Variants in DACH2 observed in about 807,000 individuals in gnomAD.
The protein encoded by DACH2 is dachshund homolog 2.
DACH2 carries 17 observed loss-of-function variants against 35.8 expected under a neutral mutation model. The ratio of observed to expected loss-of-function variants is 0.48; its 90% CI spans 0.33 to 0.71. The LOEUF (loss-of-function observed/expected upper bound fraction) is 0.71, where lower values mean the gene tolerates loss of function less well. Ranked by LOEUF, DACH2 falls within the 30% of genes least tolerant of loss-of-function variation. The pLI is 0.02. For missense variants in DACH2, 469 were observed against 472.7 expected (o/e 0.99, Z 0.07); for synonymous variants, 195 against 177.3 (o/e 1.10, Z -0.79).
At chrX:86,641,206 C>T (rs1021371244) in intron 3 of DACH2, among the ~76,000 whole-genome samples, 1 of 111,589 alleles carries the variant, frequency 9.0e-6, no homozygotes, top group Non-Finnish European at 1.9e-5. Flanking sequence ...ATATGAATCA[C>T]AATAAAGTGA....
At chrX:86,667,544 A>AGAAAGAAG (rs1569463646) in intron 4 of DACH2, among the ~76,000 whole-genome samples, 1 of 36,641 alleles carries the variant, frequency 2.7e-5, no homozygotes, top group Admixed American at 2.7e-4. Context: ...AAAGAAAGAA[A>AGAAAGAAG]GAAGAAAGAA....
chrX:86,690,423 T>G (rs1392732375), intron 4 of DACH2, among the ~76,000 whole-genome samples: 2 of 111,617 alleles, frequency 1.8e-5, no homozygotes, highest in Non-Finnish European at 3.8e-5. Flanking sequence ...ACCCATAATA[T>G]GCTCCTGCTC....
At chrX:86,299,325 TTCTC>T (rs1235894675) in intron 1 of DACH2, among the ~76,000 whole-genome samples, 2 of 111,547 alleles carry the variant, frequency 1.8e-5, no homozygotes, top group Non-Finnish European at 3.8e-5. Flanking sequence ...TGTGATGCAG[TTCTC>T]TCTACTTTTC....
intron 3 of DACH2, among the ~76,000 whole-genome samples, chrX:86,634,838 A>G (rs184235006): frequency 1.0e-3 from 115 of 112,200 alleles, no homozygotes; most frequent in Middle Eastern, 4.6e-3. Context: ...AGAAGAATTA[A>G]TGTAATCAAA....
chrX:86,656,857 GTA>G (rs752576150), intron 4 of DACH2, among the ~76,000 whole-genome samples: 17,452 of 66,294 alleles, frequency 0.26, 1,914 homozygotes, highest in Admixed American at 0.38. Flanking sequence ...GTGTGTGTGT[GTA>G]TATATATATA....
intron 7 of DACH2, among the ~76,000 whole-genome samples, chrX:86,774,738 A>G (rs762386625): frequency 8.9e-6 from 1 of 112,102 alleles, no homozygotes; most frequent in Admixed American, 9.5e-5. Context: ...TTTATTTCAC[A>G]AAAGTTCATT....
At position 86,803,741 on chromosome X, in the gene DACH2, A is replaced by G. The variant is rs1483071713; in HGVS notation, c.1241-9115A>G. ...AAGTCACTACCCTCAAAAAGATTCA[A>G]TTGTACTGGAATAAAATATTTAATA... On this transcript the variant is annotated intron_variant, in intron 7 of 11. Transcript: ENST00000373125. Among the ~76,000 whole-genome samples, 8 of 110,777 alleles carry G rather than the reference A, an allele frequency of 7.2e-5. No homozygotes were observed. In the East Asian group the frequency reaches 2.2e-3, roughly 31 times the overall value.
intron 3 of DACH2, among the ~76,000 whole-genome samples, chrX:86,630,421 C>CACATATATATATAT (rs1569456038): frequency 9.3e-6 from 1 of 107,195 alleles, no homozygotes; most frequent in African/African-American, 3.4e-5. Context: ...TATATATACA[C>CACATATATATATAT]ACATATATAT....
chrX:86,637,454 G>A (rs1219121951), intron 3 of DACH2, among the ~76,000 whole-genome samples: 1 of 110,324 alleles, frequency 9.1e-6, no homozygotes, highest in Non-Finnish European at 1.9e-5. Flanking sequence ...ATTCACAATG[G>A]TAGAGACACA....
rs766096049 is a variant in DACH2, at chrX:86,827,751, G to GT, written c.1751-4349dup. On this transcript the variant is annotated intron_variant, in intron 11 of 11. Coordinates refer to ENST00000373125, the MANE Select transcript of DACH2 (RefSeq NM_053281.3). ...AATGAAATTTTGACCAGGTCTTATT[G>GT]TTTTTTCTGTGCAGCCTGAACACTG... 11 of 1,163,011 alleles carry GT rather than the reference G, an allele frequency of 9.5e-6. No individual in the cohort carries two copies. The Admixed American group carries it at 1.8e-4, about 19-fold the overall frequency.
At chrX:86,745,157 A>G (rs1366447772) in intron 7 of DACH2, among the ~76,000 whole-genome samples, 1 of 111,844 alleles carries the variant, frequency 8.9e-6, no homozygotes, top group Non-Finnish European at 1.9e-5. Context: ...TTGAAATGTT[A>G]TATTTTAAGT....
At chrX:86,597,329 C>T (rs1251990993) in intron 3 of DACH2, among the ~76,000 whole-genome samples, 2 of 111,840 alleles carry the variant, frequency 1.8e-5, no homozygotes, top group African/African-American at 3.3e-5. Context: ...CCCTTAAGCA[C>T]TTCTTTAGCT....
intron 3 of DACH2, among the ~76,000 whole-genome samples, chrX:86,608,409 A>G (rs1240895149): frequency 9.0e-6 from 1 of 111,718 alleles, no homozygotes; most frequent in Admixed American, 9.5e-5. Flanking sequence ...CAGCCATCCC[A>G]TTACTAGGTA....
intron 1 of DACH2, among the ~76,000 whole-genome samples, chrX:86,354,957 T>G (rs754933112): frequency 9.8e-5 from 11 of 112,308 alleles, no homozygotes; most frequent in East Asian, 8.4e-4. Flanking sequence ...ATGTGCAATT[T>G]TATTCCATGT....
At chrX:86,301,095 T>A (rs1218100238) in intron 1 of DACH2, among the ~76,000 whole-genome samples, 1 of 111,860 alleles carries the variant, frequency 8.9e-6, no homozygotes, top group Non-Finnish European at 1.9e-5. Flanking sequence ...AAGTAACACA[T>A]TGGACTTAAG....
intron 1 of DACH2, among the ~76,000 whole-genome samples, chrX:86,355,250 G>A (rs146197638): frequency 0.014 from 1,537 of 111,942 alleles, 23 homozygotes; most frequent in African/African-American, 0.047. Context: ...TCTTTTTATG[G>A]CTGCATAGTA....
chrX:86,374,999 A>C (rs2035941968), intron 1 of DACH2, among the ~76,000 whole-genome samples: 1 of 110,572 alleles, frequency 9.0e-6, no homozygotes, highest in South Asian at 3.7e-4. Flanking sequence ...CATTTTACTT[A>C]GAATGTCAAA....
At chrX:86,428,509 T>G (rs1228761344) in intron 2 of DACH2, among the ~76,000 whole-genome samples, 2 of 112,074 alleles carry the variant, frequency 1.8e-5, no homozygotes, top group Admixed American at 9.5e-5. Flanking sequence ...ACTATTATGA[T>G]GTTTTGGGTT....
intron 2 of DACH2, among the ~76,000 whole-genome samples, chrX:86,455,047 G>T (rs1226863380): frequency 1.8e-5 from 2 of 110,963 alleles, no homozygotes; most frequent in African/African-American, 6.6e-5. Flanking sequence ...GCTGTGGTTT[G>T]CTGGGGGTGC....
Sources: allele counts gnomAD v4.1 joint callset (sites outside exome capture counted in the v4.1 genomes callset), GRCh38; gene constraint gnomAD v4.1.1; transcripts MANE v1.5; gene names NCBI Gene and HGNC (gene_info 2026-07-23, HGNC 2026-07-21).